SLC24A4: variants seen among roughly 807,000 people sequenced by gnomAD.
SLC24A4 encodes the protein sodium/potassium/calcium exchanger 4.
A neutral mutation model predicts 79.0 loss-of-function variants in SLC24A4; 53 were observed. That is an observed-to-expected ratio of 0.67 (90% CI 0.54 to 0.84). The LOEUF (loss-of-function observed/expected upper bound fraction) is 0.84, where lower values mean the gene tolerates loss of function less well. Ranked by LOEUF, SLC24A4 falls within the 40% of genes least tolerant of loss-of-function variation. SLC24A4 has a pLI of 0.00. For missense variants in SLC24A4, 731 were observed against 822.0 expected (o/e 0.89, Z 1.35); for synonymous variants, 323 against 323.8 (o/e 1.00, Z 0.03).
chr14:92,420,362 C>T (rs149510962), intron 2 of SLC24A4, among the ~76,000 whole-genome samples: 1 of 152,238 alleles, frequency 6.6e-6, no homozygotes, highest in Non-Finnish European at 1.5e-5. Context: ...TGCCTATAGT[C>T]CCAGCTACTC....
intron 2 of SLC24A4, among the ~76,000 whole-genome samples, chr14:92,376,973 C>G (rs981795323): frequency 6.6e-6 from 1 of 152,206 alleles, no homozygotes; most frequent in African/African-American, 2.4e-5. Context: ...GCTGGGAACA[C>G]TCGTCTGAGT....
At chr14:92,393,979 C>G (rs1212600178) in intron 2 of SLC24A4, among the ~76,000 whole-genome samples, 1 of 151,798 alleles carries the variant, frequency 6.6e-6, no homozygotes, top group East Asian at 2.0e-4. Flanking sequence ...CCACTGCACT[C>G]CATCCTGTGT....
intron 7 of SLC24A4, 45 bp downstream of exon 7, chr14:92,443,519 G>T: frequency 6.3e-7 from 1 of 1,598,138 alleles, no homozygotes; most frequent in African/African-American, 1.3e-5. Flanking sequence ...CTGGGACCCT[G>T]CGAAGGCACA....
chr14:92,325,826 C>A, intron 1 of SLC24A4, 42 bp from the exon 2 acceptor site: 1 of 1,278,016 alleles, frequency 7.8e-7, no homozygotes, highest in Non-Finnish European at 1.1e-6. Flanking sequence ...ACGCAGCCAT[C>A]ACACTGACCT....
At chr14:92,374,650 C>T (rs1002136754) in intron 2 of SLC24A4, among the ~76,000 whole-genome samples, 4 of 152,178 alleles carry the variant, frequency 2.6e-5, no homozygotes, top group African/African-American at 9.7e-5. Context: ...CCAGTTCTTG[C>T]TGCATTTTCT....
chr14:92,433,848 C>T (rs1389042629), intron 2 of SLC24A4, 64 bp from the exon 3 acceptor site: 52 of 1,389,270 alleles, frequency 3.7e-5, no homozygotes, highest in Non-Finnish European at 3.2e-5. Flanking sequence ...TCTCAGAAGT[C>T]AAGTGAGGTT....
Position 92,360,123 on chromosome 14 carries a change from C to T in SLC24A4, c.241+34145C>T, listed in dbSNP as rs576570130. 2.0e-5 allele frequency among the ~76,000 whole-genome samples: 3 copies of T among 152,308 alleles called. No homozygotes were observed. In the South Asian group the frequency reaches 6.2e-4, roughly 32 times the overall value. On this transcript the variant is annotated intron_variant, in intron 2 of 16. Transcript: ENST00000532405. ...TAGCAGAGGCTATTTATCAGTTCAC[C>T]ATATTGGCCATGATGGTCTTGATCT...
At chr14:92,493,330 T>C in intron 16 of SLC24A4, 146 bp from the exon 17 acceptor site, 1 of 934,686 alleles carries the variant, frequency 1.1e-6, no homozygotes, top group Non-Finnish European at 1.6e-6. Flanking sequence ...CTGGTCAAAC[T>C]GAGGATCAGA....
chr14:92,476,220 C>G (rs1452689121), intron 12 of SLC24A4, among the ~76,000 whole-genome samples: 1 of 152,176 alleles, frequency 6.6e-6, no homozygotes, highest in East Asian at 1.9e-4. Context: ...TCTGTCAATT[C>G]TAGAAATACA....
Position 92,496,551 on chromosome 14 carries a change from T to C in SLC24A4, c.*2923T>C, listed in dbSNP as rs1895928917. On this transcript the variant is annotated 3_prime_UTR_variant, in exon 17 of 17. Transcript: ENST00000532405. ...GGAGCAGGTGGTTCCTGTGGACTTC[T>C]GGTTTGGAATTTTGCCTCACCAGGT... 2 of 152,042 alleles carry C rather than the reference T, an allele frequency of 1.3e-5. No homozygotes were observed. The highest frequency in any genetic ancestry group is 1.3e-4 in the Admixed American group (2 of 15,264). The allele number at this position is 152,042 out of a possible 1,614,324, so 9.4% of individuals were successfully genotyped here. A position where few individuals can be genotyped will look rare whatever the true frequency, so the allele number is the denominator to read the frequency against.
chr14:92,484,255 C>G (rs1205636934), intron 13 of SLC24A4: 2 of 985,234 alleles, frequency 2.0e-6, no homozygotes, highest in Admixed American at 1.2e-4. Context: ...GAAATCCCAC[C>G]CTTTGGCCGG....
Position 92,480,321 on chromosome 14 carries a change from C to A in SLC24A4, c.1256-2359C>A, listed in dbSNP as rs1337361728. 3.2e-5 allele frequency among the ~76,000 whole-genome samples: 2 copies of A among 61,882 alleles called. 1 individual carries two copies. Among genetic ancestry groups the A allele is most frequent in the Non-Finnish European group, 5.9e-5 (2 of 33,702 alleles). 40.6% of individuals were successfully genotyped at this position (61,882 alleles called of 152,430 possible). A position where few individuals can be genotyped will look rare whatever the true frequency, so the allele number is the denominator to read the frequency against. ...TTTTTTTTTGAGATGGAGTCTTGCT[C>A]TGTCGCCCAGGCCGAACTGCGGACT... is the stretch of plus-strand genomic sequence containing the variant. On this transcript the variant is annotated intron_variant, in intron 12 of 16. Coordinates refer to ENST00000532405, the MANE Select transcript of SLC24A4 (RefSeq NM_153646.4).
chr14:92,396,341 C>T (rs1426247352), intron 2 of SLC24A4, among the ~76,000 whole-genome samples: 3 of 152,166 alleles, frequency 2.0e-5, no homozygotes, highest in Non-Finnish European at 4.4e-5. Context: ...TGCCCCTACT[C>T]CCTTCAATTT....
chr14:92,346,749 A>G (rs1886554611), intron 2 of SLC24A4, among the ~76,000 whole-genome samples: 1 of 152,192 alleles, frequency 6.6e-6, no homozygotes, highest in African/African-American at 2.4e-5. Context: ...AAAAATGCTG[A>G]TACTGAGGCT....
intron 14 of SLC24A4, among the ~76,000 whole-genome samples, chr14:92,489,735 C>T (rs1895574344): frequency 6.6e-6 from 1 of 152,192 alleles, no homozygotes; most frequent in South Asian, 2.1e-4. Context: ...TAGAAGTCCT[C>T]AAAGGCTCAC....
rs147307554 is a variant in SLC24A4, at chr14:92,493,514, G to A, written c.1755G>A (p.Arg585=). The change falls in exon 17 of 17, where the codon CGG becomes CGA. Residue 585 remains arginine, a synonymous_variant. Transcript: ENST00000532405. ...ACCTAAACAAGTGGCGACTGGACCG[G>A]AAGCTGGGTGTCTACGTGCTGGTTC... ...GIHLNKWRLD[R]KLGVYVLVLY... 6.2e-7 allele frequency: 1 copy of A among 1,614,250 alleles called. No homozygotes were observed. Among genetic ancestry groups the A allele is most frequent in the Non-Finnish European group, 8.5e-7 (1 of 1,180,046 alleles).
intron 13 of SLC24A4, among the ~76,000 whole-genome samples, chr14:92,485,445 A>G (rs796822768): frequency 2.6e-5 from 4 of 151,780 alleles, no homozygotes; most frequent in African/African-American, 4.8e-5. Context: ...AGCCTGGGCT[A>G]TGGAGCAGAG....
chr14:92,439,528 C>T, intron 4 of SLC24A4, 119 bp downstream of exon 4: 1 of 920,520 alleles, frequency 1.1e-6, no homozygotes, highest in East Asian at 2.5e-5. Context: ...GACTGTCACA[C>T]CGAGCACTTA....
At chr14:92,336,526 G>T (rs1217976144) in intron 2 of SLC24A4, among the ~76,000 whole-genome samples, 1 of 152,200 alleles carries the variant, frequency 6.6e-6, no homozygotes, top group Non-Finnish European at 1.5e-5. Context: ...TGCTAATTCA[G>T]CACAGTGTGT....
Sources: allele counts gnomAD v4.1 joint callset (sites outside exome capture counted in the v4.1 genomes callset), GRCh38; gene constraint gnomAD v4.1.1; transcripts MANE v1.5; gene names NCBI Gene and HGNC (gene_info 2026-07-23, HGNC 2026-07-21).